The following FRMPD1 variants were observed in gnomAD, a reference collection of about 807,000 sequenced individuals.
The protein encoded by FRMPD1 is FERM and PDZ domain-containing protein 1.
Under a neutral mutation model 117.8 loss-of-function variants are expected in FRMPD1, and 76 were observed. The observed-to-expected ratio is 0.65, with a 90% CI of 0.54 to 0.78. The LOEUF is 0.78. Among genes scored for constraint, FRMPD1 ranks in the 30% least tolerant of loss-of-function variants. The pLI is 0.00. For missense variants in FRMPD1, 1,786 were observed against 1,964.5 expected (o/e 0.91, Z 1.72); for synonymous variants, 783 against 770.4 (o/e 1.02, Z -0.27).
intron 15 of FRMPD1, among the ~76,000 whole-genome samples, chr9:37,741,848 C>G (rs1309246678): frequency 6.6e-6 from 1 of 152,184 alleles, no homozygotes; most frequent in Non-Finnish European, 1.5e-5. Context: ...CTCCCCAGAT[C>G]GTGGCTGATG....
At chr9:37,642,863 A>C in the FRMPD1 span, among the ~76,000 whole-genome samples, 1 of 152,132 alleles carries the variant, frequency 6.6e-6, no homozygotes, top group East Asian at 1.9e-4. Flanking sequence ...TGCACAGGGG[A>C]AAGTCTTGGA....
intron 2 of FRMPD1, 46 bp from the exon 3 acceptor site, chr9:37,707,370 A>G (rs1433901486): frequency 1.3e-6 from 2 of 1,573,496 alleles, no homozygotes; most frequent in Admixed American, 1.7e-5. Flanking sequence ...GTGACCAACA[A>G]CTAGAGTCTT....
At chr9:37,633,699 A>G in the FRMPD1 span, among the ~76,000 whole-genome samples, 1 of 152,158 alleles carries the variant, frequency 6.6e-6, no homozygotes, top group Non-Finnish European at 1.5e-5. Context: ...GTCTCTACAA[A>G]CAAACAAAAA....
intron 1 of FRMPD1, among the ~76,000 whole-genome samples, chr9:37,690,861 G>A (rs967277378): frequency 1.3e-5 from 2 of 152,166 alleles, no homozygotes; most frequent in African/African-American, 4.8e-5. Flanking sequence ...CATGGAAGAA[G>A]GTGGAAGGGC....
chr9:37,662,355 C>T (rs534492330), intron 1 of FRMPD1, among the ~76,000 whole-genome samples: 5 of 152,316 alleles, frequency 3.3e-5, no homozygotes, highest in Middle Eastern at 3.4e-3. Context: ...AGTTTTAGCA[C>T]ATGAACTTTG....
At chr9:37,648,599 GA>G (rs1164637968), upstream of FRMPD1, among the ~76,000 whole-genome samples, 1 of 152,202 alleles carries the variant, frequency 6.6e-6, no homozygotes, top group Non-Finnish European at 1.5e-5. Context: ...GCGGCAGGAT[GA>G]GGGGGAGGAG....
In FRMPD1 at chr9:37,745,085, G is replaced by A; in HGVS notation, c.3053G>A (p.Gly1018Asp). The A allele has an allele frequency of 6.2e-7, 1 of 1,614,124 alleles. No individual in the cohort carries two copies. ...HGDSSFSLSSGDPNPDRACLA... is the reference protein window; with the variant it reads ...HGDSSFSLSSDDPNPDRACLA... The stretch of plus-strand genomic sequence containing the variant: ...GACAGCTCCTTCTCCCTCTCCAGTG[G>A]TGACCCTAACCCAGACAGAGCCTGC... The change falls in exon 16 of 16, where the codon GGT becomes GAT. Residue 1018 changes from glycine to aspartate, a missense_variant. Gly to Asp is a moderately conservative substitution (Grantham distance 94, BLOSUM62 -1). Coordinates refer to ENST00000377765, the MANE Select transcript of FRMPD1 (RefSeq NM_014907.3).
intron 5 of FRMPD1, among the ~76,000 whole-genome samples, chr9:37,712,336 AT>A (rs1332414404): frequency 1.3e-5 from 2 of 152,332 alleles, no homozygotes; most frequent in Admixed American, 1.3e-4. Context: ...TTAGAAAATA[AT>A]TGAAAATTAA....
the FRMPD1 span, among the ~76,000 whole-genome samples, chr9:37,627,783 A>G: frequency 0.59 from 90,432 of 152,196 alleles, 27,934 homozygotes; most frequent in Non-Finnish European, 0.68. Flanking sequence ...CTTGGTGGTG[A>G]AGGATTCTTA....
At position 37,717,331 on chromosome 9, in the gene FRMPD1, A is replaced by ATGTGTG. The variant is rs1157491514; in HGVS notation, c.409-1733_409-1732insGTGTGT. Among the ~76,000 whole-genome samples, 1,007 of 108,446 alleles carry ATGTGTG rather than the reference A, an allele frequency of 9.3e-3. 14 individuals carry two copies. Among genetic ancestry groups the ATGTGTG allele is most frequent in the African/African-American group, 0.031 (929 of 30,108 alleles). 71.1% of individuals were successfully genotyped at this position (108,446 alleles called of 152,430 possible). On this transcript the variant is annotated intron_variant, in intron 5 of 15. Transcript: ENST00000377765. ...TATATATATGTATGTGTGTGTGTGT[A>ATGTGTG]TGTGTATATATGTGTGTGTGTGTGT... is the stretch of plus-strand genomic sequence containing the variant.
chr9:37,605,793 C>T, the FRMPD1 span, among the ~76,000 whole-genome samples: 1 of 152,068 alleles, frequency 6.6e-6, no homozygotes, highest in East Asian at 1.9e-4. Context: ...TAGCTCATCA[C>T]AACCTCAAAT....
chr9:37,684,604 C>T (rs1252273623), intron 1 of FRMPD1, among the ~76,000 whole-genome samples: 9 of 151,930 alleles, frequency 5.9e-5, no homozygotes, highest in Non-Finnish European at 1.2e-4. Flanking sequence ...TATTGTAGCA[C>T]GTCAGATAGA....
intron 7 of FRMPD1, among the ~76,000 whole-genome samples, chr9:37,728,689 G>A (rs571219063): frequency 6.6e-5 from 10 of 152,148 alleles, no homozygotes; most frequent in Non-Finnish European, 1.2e-4. Context: ...GTGGCTGGAC[G>A]TGGTGGCTCA....
intron 2 of FRMPD1, among the ~76,000 whole-genome samples, 183 bp from the exon 3 acceptor site, chr9:37,707,233 G>A (rs997165155): frequency 1.6e-4 from 24 of 152,126 alleles, no homozygotes; most frequent in Non-Finnish European, 1.8e-4. Flanking sequence ...CTGGCAATAC[G>A]ACTTCTCTTT....
At chr9:37,605,787 T>C in the FRMPD1 span, among the ~76,000 whole-genome samples, 7 of 152,180 alleles carry the variant, frequency 4.6e-5, no homozygotes, top group Non-Finnish European at 8.8e-5. Context: ...TGATCATAGC[T>C]CATCACAACC....
chr9:37,732,313 G>A lies in FRMPD1; in HGVS notation c.868G>A (p.Asp290Asn), dbSNP rs757019653. 6 of 1,613,390 alleles carry A rather than the reference G, an allele frequency of 3.7e-6. No individual in the cohort carries two copies. Among genetic ancestry groups the A allele is most frequent in the Non-Finnish European group, 5.1e-6 (6 of 1,179,980 alleles). ...FEYLYLQSCS[D>N]VLQERFAVEM... ...ATTTAATCTCTTCTAGAGCTGCAGC[G>A]ATGTGCTCCAGGAGCGCTTTGCTGT... The change falls in exon 10 of 16, where the codon GAT (aspartate) becomes AAT (asparagine). Residue 290 changes from aspartate (D) to asparagine (N), a missense_variant. Transcript: ENST00000377765.
chr9:37,626,622 GAAA>G, the FRMPD1 span, among the ~76,000 whole-genome samples: 12 of 48,650 alleles, frequency 2.5e-4, no homozygotes, highest in Admixed American at 1.7e-3. Flanking sequence ...CCTGGTATCT[GAAA>G]AAAAAAAAAA....
chr9:37,684,477 G>A (rs529490222), intron 1 of FRMPD1, among the ~76,000 whole-genome samples: 1 of 152,182 alleles, frequency 6.6e-6, no homozygotes, highest in African/African-American at 2.4e-5. Flanking sequence ...AAAGATGAAG[G>A]GGAACCACTG....
At chr9:37,651,347 G>T (rs1820667593) in intron 1 of FRMPD1, among the ~76,000 whole-genome samples, 1 of 152,212 alleles carries the variant, frequency 6.6e-6, no homozygotes, top group African/African-American at 2.4e-5. Flanking sequence ...GCATGGTGTA[G>T]TGAGTGGAAA....
Sources: allele counts gnomAD v4.1 joint callset (sites outside exome capture counted in the v4.1 genomes callset), GRCh38; gene constraint gnomAD v4.1.1; transcripts MANE v1.5; gene names NCBI Gene and HGNC (gene_info 2026-07-23, HGNC 2026-07-21).